The following USP24 variants were observed in gnomAD, a reference collection of about 807,000 sequenced individuals.
USP24 encodes the protein ubiquitin carboxyl-terminal hydrolase 24.
A neutral mutation model predicts 361.6 loss-of-function variants in USP24; 97 were observed. The observed-to-expected ratio is 0.27, with a 90% CI of 0.23 to 0.32. The LOEUF (loss-of-function observed/expected upper bound fraction) is 0.32, where lower values mean the gene tolerates loss of function less well. Among genes scored for constraint, USP24 ranks in the 10% least tolerant of loss-of-function variants. The pLI is 1.00. For synonymous variants in USP24, 1,098 were observed against 1,124.6 expected (o/e 0.98, Z 0.47); for missense variants, 2,353 against 3,165.6 (o/e 0.74, Z 6.16).
At position 55,172,402 on chromosome 1, in the gene USP24, G is replaced by A. The variant is rs1165222; in HGVS notation, c.677C>T (p.Thr226Ile). 0.85 allele frequency: 1,372,689 copies of A among 1,612,044 alleles called. 585,475 individuals are homozygous for A. The highest frequency in any genetic ancestry group is 0.99 in the East Asian group (44,412 of 44,770). The stretch of plus-strand genomic sequence containing the variant: ...CATTGTAAGCACACCCAGGAGACCA[G>A]TGGGAATTGGATCTTGTTTTATTCT... ...AERIKQDPIP[T>I]GLLGVLTMAF... Residue 226 changes from threonine to isoleucine, a missense_variant, in exon 4 of 68, where the codon ACT becomes ATT. By Grantham distance (89) the Thr-to-Ile change is moderately conservative (BLOSUM62 -1). This residue lies in a region of USP24 where 386 missense variants were observed against 560.5 expected (regional missense o/e 0.69). Transcript: ENST00000294383.
chr1:55,146,755 T>C (rs908316219), intron 19 of USP24, among the ~76,000 whole-genome samples, 174 bp downstream of exon 19: 1 of 152,200 alleles, frequency 6.6e-6, no homozygotes, highest in Non-Finnish European at 1.5e-5. Flanking sequence ...CTCATACATT[T>C]ATTTTTATCA....
chr1:55,110,325 C>A (rs1377254262), intron 38 of USP24, 79 bp from the exon 39 acceptor site: 3 of 1,201,952 alleles, frequency 2.5e-6, no homozygotes, highest in Non-Finnish European at 3.4e-6. Context: ...AGAACAAATT[C>A]ATAAAACAAG....
intron 17 of USP24, 22 bp downstream of exon 17, chr1:55,148,441 T>A (rs1306839742): frequency 2.6e-5 from 40 of 1,513,324 alleles, no homozygotes; most frequent in Non-Finnish European, 3.6e-5. Context: ...ACTATAATAA[T>A]AAAAAATAGC....
chr1:55,142,825 T>A (rs182303129), intron 22 of USP24, 30 bp from the exon 23 acceptor site: 87 of 1,469,076 alleles, frequency 5.9e-5, no homozygotes, highest in Non-Finnish European at 7.7e-5. Flanking sequence ...TTACAATTAG[T>A]CCTTGACATT....
intron 40 of USP24, 111 bp from the exon 41 acceptor site, chr1:55,106,374 C>CA: frequency 1.3e-6 from 1 of 747,780 alleles, no homozygotes; most frequent in South Asian, 1.8e-5. Context: ...CACCCAATAG[C>CA]AGAGCATTTA....
intron 1 of USP24, among the ~76,000 whole-genome samples, chr1:55,200,281 A>G (rs287233): frequency 0.96 from 146,172 of 152,278 alleles, 70,444 homozygotes; most frequent in East Asian, 1. Flanking sequence ...AAGTTCCTAG[A>G]ATAGTTGGAG....
chr1:55,173,312 C>T (rs1243102779), intron 3 of USP24, among the ~76,000 whole-genome samples: 4 of 152,056 alleles, frequency 2.6e-5, no homozygotes, highest in Non-Finnish European at 4.4e-5. Context: ...AGACATTAAA[C>T]TGTTTACTTT....
intron 38 of USP24, among the ~76,000 whole-genome samples, chr1:55,119,704 G>GAT (rs1017550497): frequency 2.0e-5 from 3 of 151,446 alleles, no homozygotes; most frequent in Admixed American, 1.3e-4. Context: ...TATATATATA[G>GAT]ATATATATAT....
chr1:55,199,053 G>T (rs1426029041), intron 1 of USP24, among the ~76,000 whole-genome samples: 1 of 152,142 alleles, frequency 6.6e-6, no homozygotes, highest in Non-Finnish European at 1.5e-5. Flanking sequence ...ACTTTGAGAG[G>T]CCGAAGCGGG....
Position 55,159,004 on chromosome 1 carries a change from G to A in USP24, c.1101C>T (p.Ala367=), listed in dbSNP as rs374431934. Residue 367 remains alanine, a synonymous_variant, in exon 10 of 68, where the codon GCC becomes GCT. Transcript: ENST00000294383. ...GGAAGCGCATGCAAAGTAACTTAAC[G>A]GCAGACAAGAGCTCAGGGATGCTAA... ...RLVSIPELLS[A]VKLLCMRFQP... The A allele has an allele frequency of 5.7e-6, 9 of 1,576,224 alleles. No homozygotes were observed. The highest frequency in any genetic ancestry group is 5.4e-5 in the African/African-American group (4 of 74,004).
At chr1:55,110,161 C>T in intron 39 of USP24, 24 bp downstream of exon 39, 2 of 1,536,546 alleles carry the variant, frequency 1.3e-6, no homozygotes, top group East Asian at 4.9e-5. Flanking sequence ...GCCCCTCTCC[C>T]CTACATATTA....
At chr1:55,081,083 T>A (rs1349835849) in intron 59 of USP24, among the ~76,000 whole-genome samples, 1 of 151,930 alleles carries the variant, frequency 6.6e-6, no homozygotes, top group Non-Finnish European at 1.5e-5. Context: ...AGAGTTGTTT[T>A]AAAAAAAATA....
Position 55,145,987 on chromosome 1 carries a change from T to C in USP24, c.2362+11A>G. 1 of 1,584,960 alleles carries C rather than the reference T, an allele frequency of 6.3e-7. No individual in the cohort carries two copies. The highest frequency in any genetic ancestry group is 8.6e-7 in the Non-Finnish European group (1 of 1,157,038). ...AAGTACTGAAAAAAATGATTTTAAG[T>C]TTTTTCCTACCATTCATAGTGATTT... is the stretch of plus-strand genomic sequence containing the variant. On this transcript the variant is annotated intron_variant, in intron 20 of 67. Coordinates refer to ENST00000294383, the MANE Select transcript of USP24 (RefSeq NM_015306.3).
At chr1:55,112,594 T>G (rs1016929630) in intron 38 of USP24, among the ~76,000 whole-genome samples, 1 of 152,228 alleles carries the variant, frequency 6.6e-6, no homozygotes, top group Non-Finnish European at 1.5e-5. Flanking sequence ...TTGAGTGAAT[T>G]TCTTAATCCT....
chr1:55,182,681 T>C (rs957619678), intron 1 of USP24, among the ~76,000 whole-genome samples: 3 of 152,080 alleles, frequency 2.0e-5, no homozygotes, highest in Non-Finnish European at 2.9e-5. Context: ...ATGTATAACC[T>C]GAATCTAATA....
chr1:55,143,063 T>C lies in USP24; in HGVS notation c.2496A>G (p.Glu832=). ...GMDFIWKIAM[E]SPDEEIANEA... ...CATTAGCAATTTCTTCATCAGGTGA[T>C]TCCATGGCTATTTTCCAAATGAAAT... Residue 832 remains glutamate (E), a synonymous_variant, in exon 22 of 68, where the codon GAA becomes GAG. Transcript: ENST00000294383. The C allele has an allele frequency of 1.3e-6, 2 of 1,532,744 alleles. No homozygotes were observed. The highest frequency in any genetic ancestry group is 1.4e-5 in the African/African-American group (1 of 71,740). The allele number at this position is 1,532,744 out of a possible 1,614,324, so 94.9% of individuals were successfully genotyped here.
intron 1 of USP24, among the ~76,000 whole-genome samples, chr1:55,212,303 T>G (rs1644864469): frequency 6.6e-6 from 1 of 152,230 alleles, no homozygotes; most frequent in South Asian, 2.1e-4. Flanking sequence ...TCCCTCATTA[T>G]TTCTCCTTAC....
intron 51 of USP24, among the ~76,000 whole-genome samples, chr1:55,094,696 T>TAAAAA (rs35026432): frequency 1.8e-5 from 2 of 109,006 alleles, no homozygotes; most frequent in African/African-American, 3.6e-5. Flanking sequence ...CTGCTAACAT[T>TAAAAA]AAAAAAAAAA....
At chr1:55,116,716 T>C (rs1181914979) in intron 38 of USP24, among the ~76,000 whole-genome samples, 1 of 149,910 alleles carries the variant, frequency 6.7e-6, no homozygotes, top group African/African-American at 2.5e-5. Context: ...AAAAACAAAC[T>C]CCCAACAAAG....
Sources: gnomAD v4.1 joint callset for allele counts (sites outside exome capture counted in the v4.1 genomes callset) on GRCh38, gnomAD v4.1.1 for gene constraint, gnomAD v4.1.1 regional missense constraint, MANE v1.5 for transcripts, NCBI Gene and HGNC (gene_info 2026-07-23, HGNC 2026-07-21) for gene names.